The following SKIDA1 variants were observed in gnomAD, a reference collection of about 807,000 sequenced individuals.
The protein encoded by SKIDA1 is SKI/DACH domain-containing protein 1.
Under a neutral mutation model 51.4 loss-of-function variants are expected in SKIDA1, and 18 were observed. The observed-to-expected ratio is 0.35, with a 90% CI of 0.24 to 0.52. The LOEUF (loss-of-function observed/expected upper bound fraction) is 0.52, where lower values mean the gene tolerates loss of function less well. Among genes scored for constraint, SKIDA1 ranks in the 20% least tolerant of loss-of-function variants. The pLI, the probability that SKIDA1 is intolerant of heterozygous loss-of-function variation, is 0.95. For missense variants in SKIDA1, 1,104 were observed against 1,180.6 expected, an observed-to-expected ratio of 0.94 and a Z score of 0.95; for synonymous variants, 579 against 500.5, an observed-to-expected ratio of 1.16 and a Z score of -2.09.
Position 21,517,961 on chromosome 10 carries a change from T to G in SKIDA1, c.-139A>C. ...CTAATAAAATAACAAAGACTGTTAT[T>G]CCCGGCGAAGGAAGTGCCAAACTCT... On this transcript the variant is annotated 5_prime_UTR_variant, in exon 4 of 4. Transcript: ENST00000449193. The surrounding 1 kb of genome is among the most constrained non-coding windows in gnomAD (Gnocchi z 6.9). 1 of 784,280 alleles carries G rather than the reference T, an allele frequency of 1.3e-6. No individual in the cohort carries two copies. Among genetic ancestry groups the G allele is most frequent in the Non-Finnish European group, 1.8e-6 (1 of 541,566 alleles). 48.6% of individuals were successfully genotyped at this position (784,280 alleles called of 1,614,324 possible).
chr10:21,516,679 C>A lies in SKIDA1; in HGVS notation c.1144G>T (p.Asp382Tyr). Reference sequence around the variant, plus strand: ...TCCGAGTAGGAGCTGGACTCGGAGTCGCTGCTGCAGCTCTCGGGAAAGCTG... The same window carrying A: ...TCCGAGTAGGAGCTGGACTCGGAGTAGCTGCTGCAGCTCTCGGGAAAGCTG... Reference protein sequence around the residue: ...LGSFPESCSSDSESSSYSDHA... With the variant: ...LGSFPESCSSYSESSSYSDHA... Residue 382 changes from aspartate (D) to tyrosine (Y), a missense_variant, in exon 4 of 4, where the codon GAC (aspartate) becomes TAC (tyrosine). Transcript: ENST00000449193. The surrounding 1 kb of genome is among the most constrained non-coding windows in gnomAD (Gnocchi z 5.7). 2 of 1,551,546 alleles carry A rather than the reference C, an allele frequency of 1.3e-6. No individual in the cohort carries two copies. The highest frequency in any genetic ancestry group is 1.7e-6 in the Non-Finnish European group (2 of 1,146,948).
At position 21,517,124 on chromosome 10, in the gene SKIDA1, AGCGGCG is replaced by A. The variant is rs754621872; in HGVS notation, c.693_698del (p.Ala243_Ala244del). ...CGGCGGCGGCGGCGGCGGCGGCAGCAGCGGCGGCGGCGGCGGCGGCGGCGGCTGCCG... is the reference window on the plus strand; with the variant it reads ...CGGCGGCGGCGGCGGCGGCGGCAGCAGCGGCGGCGGCGGCGGCGGCTGCCG... On this transcript the variant is annotated inframe_deletion, in exon 4 of 4. Transcript: ENST00000449193. The surrounding 1 kb of genome is among the most constrained non-coding windows in gnomAD (Gnocchi z 6.9). 1.1e-4 allele frequency: 118 copies of A among 1,041,914 alleles called. No homozygotes were observed. Among genetic ancestry groups the A allele is most frequent in the African/African-American group, 7.7e-4 (41 of 53,336 alleles). 64.5% of individuals were successfully genotyped at this position (1,041,914 alleles called of 1,614,324 possible).
Position 21,517,111 on chromosome 10 carries a change from C to T in SKIDA1, c.712G>A (p.Ala238Thr). ...TAATAGGCGGCGGCGGCGGCGGCGG[C>T]GGCGGCGGCAGCAGCGGCGGCGGCG... The part of the protein sequence containing the change: ...AAAAAAAAAA[A>T]AAAAAAYYQV... The change falls in exon 4 of 4, where the codon GCC (alanine) becomes ACC (threonine). Residue 238 changes from alanine to threonine, a missense_variant. Coordinates refer to ENST00000449193, the MANE Select transcript of SKIDA1 (RefSeq NM_207371.4). The surrounding 1 kb of genome is among the most constrained non-coding windows in gnomAD (Gnocchi z 6.9). The T allele has an allele frequency of 9.7e-7, 1 of 1,031,316 alleles. No individual in the cohort carries two copies. Among genetic ancestry groups the T allele is most frequent in the Non-Finnish European group, 1.2e-6 (1 of 857,128 alleles). 63.9% of individuals were successfully genotyped at this position (1,031,316 alleles called of 1,614,324 possible). A position where few individuals can be genotyped will look rare whatever the true frequency, so the allele number is the denominator to read the frequency against.
rs1368641812 is a variant in SKIDA1 at position 21,519,614 on chromosome 10, T to C, written c.-1792A>G. 1 of 166,926 alleles carries C rather than the reference T, an allele frequency of 6.0e-6. No homozygotes were observed. Among genetic ancestry groups the C allele is most frequent in the Non-Finnish European group, 1.5e-5 (1 of 68,078 alleles). 10.3% of individuals were successfully genotyped at this position (166,926 alleles called of 1,614,324 possible). Reference sequence around the variant, plus strand: ...ATGTGTTTCCTTGTTCCTCCAAAAATAGACACATCCGCGTGATTAAAAGAA... The same window carrying C: ...ATGTGTTTCCTTGTTCCTCCAAAAACAGACACATCCGCGTGATTAAAAGAA... On this transcript the variant is annotated 5_prime_UTR_variant, in exon 4 of 4. Coordinates refer to ENST00000449193, the MANE Select transcript of SKIDA1 (RefSeq NM_207371.4).
In SKIDA1 at chr10:21,516,626, G is replaced by A. The variant is rs1008891971; in HGVS notation, c.1197C>T (p.Gly399=). 9.0e-6 allele frequency: 14 copies of A among 1,551,686 alleles called. No individual in the cohort carries two copies. Among genetic ancestry groups the A allele is most frequent in the Admixed American group, 5.9e-5 (3 of 50,990 alleles). ...SDHAANDSDF[G]SSLSSSSNSV... The stretch of plus-strand genomic sequence containing the variant: ...AATTGCTGGAGCTGGACAAACTGGA[G>A]CCAAAATCCGAGTCGTTGGCCGCGT... Residue 399 remains glycine, a synonymous_variant, in exon 4 of 4, where the codon GGC becomes GGT. Transcript: ENST00000449193. This position sits in a 1 kb window ranked among gnomAD's most constrained non-coding sequence, Gnocchi z 5.7.
chr10:21,520,891 G>A (rs1263707927), intron 3 of SKIDA1, among the ~76,000 whole-genome samples: 1 of 152,022 alleles, frequency 6.6e-6, no homozygotes, highest in Admixed American at 6.6e-5. Context: ...TAGACTTTGT[G>A]CAAGTATCTC....
chr10:21,514,903 C>CCA lies in SKIDA1; in HGVS notation c.*192_*193insTG. The CCA allele has an allele frequency of 4.7e-6, 1 of 213,870 alleles. No homozygotes were observed. Among genetic ancestry groups the CCA allele is most frequent in the Non-Finnish European group, 9.3e-6 (1 of 107,244 alleles). 13.2% of individuals were successfully genotyped at this position (213,870 alleles called of 1,614,324 possible). A position where few individuals can be genotyped will look rare whatever the true frequency, so the allele number is the denominator to read the frequency against. On this transcript the variant is annotated 3_prime_UTR_variant, in exon 4 of 4. Coordinates refer to ENST00000449193, the MANE Select transcript of SKIDA1 (RefSeq NM_207371.4). ...GTAAACCAACCCTTCTCCCACCCCG[C>CCA]CCCCACCCTACTCCAGAAAAAAAAA... is the stretch of plus-strand genomic sequence containing the variant.
rs1300747668 is a variant in SKIDA1, at chr10:21,517,126, C to A, written c.697G>T (p.Ala233Ser). 8.8e-7 allele frequency: 1 copy of A among 1,137,980 alleles called. No homozygotes were observed. Among genetic ancestry groups the A allele is most frequent in the Non-Finnish European group, 1.1e-6 (1 of 922,268 alleles). 70.5% of individuals were successfully genotyped at this position (1,137,980 alleles called of 1,614,324 possible). A position where few individuals can be genotyped will look rare whatever the true frequency, so the allele number is the denominator to read the frequency against. ...GCGGCGGCGGCGGCGGCGGCAGCAG[C>A]GGCGGCGGCGGCGGCGGCGGCGGCT... ...PAAAAAAAAA[A>S]AAAAAAAAAA... The change falls in exon 4 of 4, where the codon GCT (alanine) becomes TCT (serine). Residue 233 changes from alanine to serine, a missense_variant. Around this residue, in one of 3 missense-constraint regions of SKIDA1, gnomAD observed 938 missense variants for 886.4 expected, o/e 1.06. Coordinates refer to ENST00000449193, the MANE Select transcript of SKIDA1 (RefSeq NM_207371.4). The surrounding 1 kb of genome is among the most constrained non-coding windows in gnomAD (Gnocchi z 6.9).
intron 2 of SKIDA1, among the ~76,000 whole-genome samples, chr10:21,522,198 C>A (rs989682556): frequency 7.6e-6 from 1 of 132,116 alleles, no homozygotes; most frequent in African/African-American, 2.8e-5. Context: ...TATTGAAGAG[C>A]ATTAAAATAA....
rs1406935484 is a variant in SKIDA1 at position 21,522,840 on chromosome 10, T to C, written c.-1929+843A>G. Among the ~76,000 whole-genome samples the C allele has an allele frequency of 3.3e-5, 5 of 152,168 alleles. No individual in the cohort carries two copies. In the East Asian group the frequency reaches 9.6e-4, roughly 29 times the overall value. ...AATGCAGTGACCTTCTACCCTTTTTTTGCCCCCTGACCCATCTTGAATTCA... is the reference window on the plus strand; with the variant it reads ...AATGCAGTGACCTTCTACCCTTTTTCTGCCCCCTGACCCATCTTGAATTCA... On this transcript the variant is annotated intron_variant, in intron 2 of 3. Transcript: ENST00000449193.
rs756871409 is a variant in SKIDA1 at position 21,517,202 on chromosome 10, G to A, written c.621C>T (p.Phe207=). The A allele has an allele frequency of 7.4e-5, 108 of 1,449,738 alleles. No individual in the cohort carries two copies. The highest frequency in any genetic ancestry group is 2.5e-5 in the Admixed American group (1 of 39,754). 89.8% of individuals were successfully genotyped at this position (1,449,738 alleles called of 1,614,324 possible). A position where few individuals can be genotyped will look rare whatever the true frequency, so the allele number is the denominator to read the frequency against. Residue 207 remains phenylalanine, a synonymous_variant, in exon 4 of 4, where the codon TTC becomes TTT. Transcript: ENST00000449193. The surrounding 1 kb of genome is among the most constrained non-coding windows in gnomAD (Gnocchi z 6.9). Reference sequence around the variant, plus strand: ...TCCGAAAATAAGCAGGGTCCGAGGGGAAGGCGACGTAGTTTCCCTGGAGCG... The same window carrying A: ...TCCGAAAATAAGCAGGGTCCGAGGGAAAGGCGACGTAGTTTCCCTGGAGCG... The part of the protein sequence containing the change: ...TAPLQGNYVA[F]PSDPAYFRSL...
chr10:21,516,867 CCCGCGGCGGCCG>C lies in SKIDA1; in HGVS notation c.944_955del (p.Ala315_Ala318del). ...ATGAAACCTCTCCAGGCAAGTGGCC[CCCGCGGCGGCCG>C]CCGCCGCCGCTGCCGCCGCCGCCGC... On this transcript the variant is annotated inframe_deletion, in exon 4 of 4. Coordinates refer to ENST00000449193, the MANE Select transcript of SKIDA1 (RefSeq NM_207371.4). The surrounding 1 kb of genome is among the most constrained non-coding windows in gnomAD (Gnocchi z 5.7). The C allele has an allele frequency of 7.7e-7, 1 of 1,306,880 alleles. No homozygotes were observed. The highest frequency in any genetic ancestry group is 2.8e-5 in the South Asian group (1 of 36,184). 81.0% of individuals were successfully genotyped at this position (1,306,880 alleles called of 1,614,324 possible).
Position 21,515,874 on chromosome 10 carries a change from G to A in SKIDA1, c.1949C>T (p.Ser650Phe). The A allele has an allele frequency of 6.2e-7, 1 of 1,614,072 alleles. No homozygotes were observed. The highest frequency in any genetic ancestry group is 8.5e-7 in the Non-Finnish European group (1 of 1,179,900). ...HCPEFATDLP[S>F]SQTDPEVNAA... ...GTTCACTTCAGGATCAGTCTGCGAA[G>A]AGGGCAAATCCGTAGCAAATTCAGG... The change falls in exon 4 of 4, where the codon TCT becomes TTT. Residue 650 changes from serine to phenylalanine, a missense_variant. Around this residue, in one of 3 missense-constraint regions of SKIDA1, gnomAD observed 938 missense variants for 886.4 expected, o/e 1.06. Transcript: ENST00000449193.
Position 21,516,875 on chromosome 10 carries a change from G to C in SKIDA1, c.948C>G (p.Ala316=), listed in dbSNP as rs1181001363. The C allele has an allele frequency of 4.6e-6, 6 of 1,291,404 alleles. No individual in the cohort carries two copies. The highest frequency in any genetic ancestry group is 5.9e-6 in the Non-Finnish European group (6 of 1,025,006). The allele number at this position is 1,291,404 out of a possible 1,614,324, so 80.0% of individuals were successfully genotyped here. ...AAAAAAAAAA[A]AAGATCLERF... is the part of the protein sequence containing the mutation. Reference sequence around the variant, plus strand: ...TCTCCAGGCAAGTGGCCCCCGCGGCGGCCGCCGCCGCCGCTGCCGCCGCCG... The same window carrying C: ...TCTCCAGGCAAGTGGCCCCCGCGGCCGCCGCCGCCGCCGCTGCCGCCGCCG... The change falls in exon 4 of 4, where the codon GCC becomes GCG. Residue 316 remains alanine, a synonymous_variant. Coordinates refer to ENST00000449193, the MANE Select transcript of SKIDA1 (RefSeq NM_207371.4). This position sits in a 1 kb window ranked among gnomAD's most constrained non-coding sequence, Gnocchi z 5.7.
Position 21,517,502 on chromosome 10 carries a change from C to T in SKIDA1, c.321G>A (p.Arg107=). The T allele has an allele frequency of 6.4e-7, 1 of 1,557,354 alleles. No individual in the cohort carries two copies. Among genetic ancestry groups the T allele is most frequent in the Non-Finnish European group, 8.7e-7 (1 of 1,150,822 alleles). ...CCTTTGTGGCCAGGGCCCGGCCGAC[C>T]CGCCTGCGCTTGGTCTTGAGGACGC... ...TERVLKTKRR[R]VGRALATKAP... The change falls in exon 4 of 4, where the codon CGG becomes CGA. Residue 107 remains arginine, a synonymous_variant. Coordinates refer to ENST00000449193, the MANE Select transcript of SKIDA1 (RefSeq NM_207371.4). This position sits in a 1 kb window ranked among gnomAD's most constrained non-coding sequence, Gnocchi z 6.9.
Position 21,517,999 on chromosome 10 carries a change from T to G in SKIDA1, c.-177A>C, listed in dbSNP as rs1588684599. 1.3e-5 allele frequency: 6 copies of G among 470,764 alleles called. No individual in the cohort carries two copies. The highest frequency in any genetic ancestry group is 4.0e-5 in the Admixed American group (1 of 25,164). The allele number at this position is 470,764 out of a possible 1,614,324, so 29.2% of individuals were successfully genotyped here. ...AGTGCCAAACTCTAGGCGAAATTAT[T>G]GGGGGGGGGGAAACCCCATGAAATT... On this transcript the variant is annotated 5_prime_UTR_variant, in exon 4 of 4. Transcript: ENST00000449193. This position sits in a 1 kb window ranked among gnomAD's most constrained non-coding sequence, Gnocchi z 6.9.
intron 1 of SKIDA1, among the ~76,000 whole-genome samples, chr10:21,524,428 G>C (rs2032565113): frequency 6.6e-6 from 1 of 151,996 alleles, no homozygotes; most frequent in African/African-American, 2.4e-5. Context: ...ATTTGGTGAT[G>C]TGGTGCAAAA....
At position 21,516,271 on chromosome 10, in the gene SKIDA1, C is replaced by A. The variant is rs963908469; in HGVS notation, c.1552G>T (p.Ala518Ser). The A allele has an allele frequency of 1.3e-5, 21 of 1,613,960 alleles. No individual in the cohort carries two copies. The highest frequency in any genetic ancestry group is 1.7e-5 in the Non-Finnish European group (20 of 1,179,900). Reference sequence around the variant, plus strand: ...GCCCAGCTCTGCAGATTCCACTCCGCCGGCGACTCCGCTTTGACACTACTC... The same window carrying A: ...GCCCAGCTCTGCAGATTCCACTCCGACGGCGACTCCGCTTTGACACTACTC... ...LKSSVKAESP[A>S]EWNLQSWAPK... The change falls in exon 4 of 4, where the codon GCG becomes TCG. Residue 518 changes from alanine to serine, a missense_variant. Physicochemically the swap from Ala to Ser is moderately conservative, Grantham distance 99. Transcript: ENST00000449193. This position sits in a 1 kb window ranked among gnomAD's most constrained non-coding sequence, Gnocchi z 5.7.
rs945469810 is a variant in SKIDA1 at position 21,519,166 on chromosome 10, C to T, written c.-1344G>A. On this transcript the variant is annotated 5_prime_UTR_variant, in exon 4 of 4. Transcript: ENST00000449193. ...CAGAATTCCAGGGAGCAGATTGCTTCCTTCTGCAGCAAAGAAAAGAAACTG... is the reference window on the plus strand; with the variant it reads ...CAGAATTCCAGGGAGCAGATTGCTTTCTTCTGCAGCAAAGAAAAGAAACTG... The T allele has an allele frequency of 9.0e-5, 15 of 167,052 alleles. No individual in the cohort carries two copies. The highest frequency in any genetic ancestry group is 3.6e-4 in the African/African-American group (15 of 41,420). The allele number at this position is 167,052 out of a possible 1,614,324, so 10.3% of individuals were successfully genotyped here.
Sources: allele counts gnomAD v4.1 joint callset (sites outside exome capture counted in the v4.1 genomes callset), GRCh38; gene constraint gnomAD v4.1.1; regional missense constraint gnomAD v4.1.1; non-coding constraint Gnocchi (gnomAD v3.1); transcripts MANE v1.5; gene names NCBI Gene and HGNC (gene_info 2026-07-23, HGNC 2026-07-21).